Variants in SUN3 observed in about 807,000 individuals in gnomAD.
SUN3 encodes Sad1 and UNC84 domain containing 3.
In SUN3, 36 loss-of-function variants were observed where a neutral mutation model predicts 48.2. That is an observed-to-expected ratio of 0.75 (90% CI 0.57 to 0.99). The LOEUF (loss-of-function observed/expected upper bound fraction) is 0.99, where lower values mean the gene tolerates loss of function less well. Among genes scored for constraint, SUN3 ranks in the 50% least tolerant of loss-of-function variants. The pLI, the probability that SUN3 is intolerant of heterozygous loss-of-function variation, is 0.00. For synonymous variants in SUN3, 148 were observed against 147.9 expected, an observed-to-expected ratio of 1.00 and a Z score of 0.00; for missense variants, 419 against 433.1, an observed-to-expected ratio of 0.97 and a Z score of 0.29.
chr7:48,014,388 A>G (rs17132025), intron 3 of SUN3, among the ~76,000 whole-genome samples: 2,769 of 152,262 alleles, frequency 0.018, 87 homozygotes, highest in African/African-American at 0.064. Context: ...TTAAGCCTCC[A>G]TTTACCTGGG....
At chr7:48,020,829 A>G (rs991648008) in intron 2 of SUN3, among the ~76,000 whole-genome samples, 2 of 152,190 alleles carry the variant, frequency 1.3e-5, no homozygotes, top group African/African-American at 2.4e-5. Flanking sequence ...TAGAAGATCA[A>G]TATTGCTAAA....
At position 48,017,316 on chromosome 7, in the gene SUN3, G is replaced by T; in HGVS notation, c.234C>A (p.Ser78=). The change falls in exon 3 of 10, where the codon TCC becomes TCA. Residue 78 remains serine, a synonymous_variant. Coordinates refer to ENST00000297325, the MANE Select transcript of SUN3 (RefSeq NM_001030019.2). ...WLKETDVPQK[S]RQLYAIIAEY... is the part of the protein sequence containing the mutation. ...CTGCAATTATGGCATATAATTGTCT[G>T]GATTTCTGAGGAACATCTGTTTCTT... The T allele has an allele frequency of 1.2e-6, 2 of 1,609,766 alleles. No individual in the cohort carries two copies. Among genetic ancestry groups the T allele is most frequent in the Non-Finnish European group, 1.7e-6 (2 of 1,177,494 alleles).
chr7:48,014,202 G>A (rs556638906), intron 3 of SUN3, among the ~76,000 whole-genome samples: 1 of 152,272 alleles, frequency 6.6e-6, no homozygotes, highest in South Asian at 2.1e-4. Context: ...TGCCCAAAGT[G>A]CTGGGATTAC....
At chr7:48,003,747 CA>C (rs948269530) in intron 6 of SUN3, among the ~76,000 whole-genome samples, 1 of 152,114 alleles carries the variant, frequency 6.6e-6, no homozygotes, top group Non-Finnish European at 1.5e-5. Flanking sequence ...GATTTTTGCA[CA>C]TTGATTTTGC....
intron 6 of SUN3, among the ~76,000 whole-genome samples, chr7:48,001,531 G>GTTTTTTTTTT: frequency 1.1e-3 from 116 of 110,390 alleles, no homozygotes; most frequent in East Asian, 1.4e-3. Context: ...TGTTTTTTTT[G>GTTTTTTTTTT]TTTTTTTTTT....
the SUN3 span, chr7:48,035,422 C>T: frequency 1.5e-6 from 1 of 667,768 alleles, no homozygotes; most frequent in African/African-American, 1.8e-5. The surrounding 1 kb of genome is among the most constrained non-coding windows in gnomAD (Gnocchi z 4.0). Context: ...CTGATTGGCC[C>T]ACCGCTCCCC....
intron 6 of SUN3, among the ~76,000 whole-genome samples, chr7:48,003,864 T>G (rs527869238): frequency 1.4e-4 from 22 of 152,260 alleles, no homozygotes; most frequent in African/African-American, 5.3e-4. Context: ...AGGGATAGTT[T>G]GACTTCCTCT....
intron 6 of SUN3, among the ~76,000 whole-genome samples, chr7:48,004,288 G>T (rs1219840976): frequency 6.6e-6 from 1 of 152,186 alleles, no homozygotes; most frequent in Non-Finnish European, 1.5e-5. Flanking sequence ...TAGACATACT[G>T]AATATTATAC....
upstream of SUN3, among the ~76,000 whole-genome samples, chr7:48,029,340 T>C (rs2128786123): frequency 6.6e-6 from 1 of 152,346 alleles, no homozygotes; most frequent in African/African-American, 2.4e-5. Context: ...ATATCAGAAA[T>C]ATAATAGTAG....
intron 6 of SUN3, among the ~76,000 whole-genome samples, chr7:47,999,780 C>T (rs984295688): frequency 2.0e-5 from 3 of 152,244 alleles, no homozygotes; most frequent in Admixed American, 6.5e-5. Flanking sequence ...ATTGATCCGC[C>T]TGCCTTGGCC....
intron 3 of SUN3, among the ~76,000 whole-genome samples, chr7:48,012,531 A>G (rs144863218): frequency 4.4e-4 from 67 of 152,146 alleles, no homozygotes; most frequent in Admixed American, 2.7e-3. Flanking sequence ...TTTTTTCTCA[A>G]TGAGGTCCCA....
chr7:48,029,399 T>G (rs1368484297), upstream of SUN3, among the ~76,000 whole-genome samples: 1 of 152,248 alleles, frequency 6.6e-6, no homozygotes, highest in Non-Finnish European at 1.5e-5. Context: ...CACAGATAAC[T>G]ACAACCTGAA....
At chr7:48,025,841 G>C (rs1260202188) in intron 2 of SUN3, 36 bp downstream of exon 2, 2 of 1,398,054 alleles carry the variant, frequency 1.4e-6, no homozygotes, top group Non-Finnish European at 1.0e-6. Context: ...ATAACCTGTG[G>C]AATGGTTTTA....
chr7:48,003,028 T>C (rs2348670), intron 6 of SUN3, among the ~76,000 whole-genome samples: 51,337 of 138,168 alleles, frequency 0.37, 9,452 homozygotes, highest in Middle Eastern at 0.55. Flanking sequence ...TCCAGGGTTT[T>C]CTTTTTTTTT....
chr7:48,015,258 G>A (rs1008912757), intron 3 of SUN3, among the ~76,000 whole-genome samples: 2 of 152,156 alleles, frequency 1.3e-5, no homozygotes, highest in Admixed American at 1.3e-4. Flanking sequence ...TGAGAACCTC[G>A]TGGAGTAGGA....
At chr7:47,999,220 T>C (rs1382650264) in intron 6 of SUN3, among the ~76,000 whole-genome samples, 1 of 152,194 alleles carries the variant, frequency 6.6e-6, no homozygotes, top group African/African-American at 2.4e-5. Context: ...TTTGTTAGTC[T>C]TACACCTAAG....
chr7:48,011,334 A>C (rs1789677832), intron 3 of SUN3, among the ~76,000 whole-genome samples: 1 of 152,212 alleles, frequency 6.6e-6, no homozygotes, highest in Non-Finnish European at 1.5e-5. Context: ...TATACTATAA[A>C]TGTGTTGTGT....
intron 2 of SUN3, among the ~76,000 whole-genome samples, chr7:48,021,150 A>T (rs1446611435): frequency 6.6e-6 from 1 of 152,110 alleles, no homozygotes; most frequent in Non-Finnish European, 1.5e-5. Context: ...CCAAGAACAT[A>T]CGCTGGGGAA....
At chr7:48,001,321 A>G (rs1789360514) in intron 6 of SUN3, among the ~76,000 whole-genome samples, 1 of 152,150 alleles carries the variant, frequency 6.6e-6, no homozygotes, top group East Asian at 1.9e-4. Flanking sequence ...TCCCACTTAT[A>G]AGTGAGAACA....
Sources: gnomAD v4.1 joint callset for allele counts (sites outside exome capture counted in the v4.1 genomes callset) on GRCh38, gnomAD v4.1.1 for gene constraint, Gnocchi (gnomAD v3.1) non-coding constraint, MANE v1.5 for transcripts, NCBI Gene and HGNC (gene_info 2026-07-23, HGNC 2026-07-21) for gene names.